MIER1: variants seen among roughly 807,000 people sequenced by gnomAD.
MIER1 encodes mesoderm induction early response protein 1.
Under a neutral mutation model 75.7 loss-of-function variants are expected in MIER1, and 40 were observed. The observed-to-expected ratio is 0.53, with a 90% CI of 0.41 to 0.69. The LOEUF is 0.69. Ranked by LOEUF, MIER1 falls within the 30% of genes least tolerant of loss-of-function variation. MIER1 has a pLI of 0.00. For missense variants in MIER1, 574 were observed against 680.2 expected (o/e 0.84, Z 1.74); for synonymous variants, 213 against 223.4 (o/e 0.95, Z 0.42).
At chr1:66,937,264 T>C (rs1322053791) in intron 2 of MIER1, among the ~76,000 whole-genome samples, 6 of 152,138 alleles carry the variant, frequency 3.9e-5, no homozygotes, top group Non-Finnish European at 5.9e-5. Context: ...TTTATGATTA[T>C]GATCAGCTAA....
intron 4 of MIER1, among the ~76,000 whole-genome samples, chr1:66,951,798 C>A (rs1659030352): frequency 1.3e-5 from 2 of 152,136 alleles, no homozygotes; most frequent in South Asian, 2.1e-4. Flanking sequence ...TTATTTCTCA[C>A]AGTTTATCAG....
Position 66,988,301 on chromosome 1 carries a change from G to T in MIER1, c.*3401G>T, listed in dbSNP as rs1026738637. The stretch of plus-strand genomic sequence containing the variant: ...TTTTTCTGTATCACATAATTCTACT[G>T]ATACAACTTTTTACCGTAAAAATTA... On this transcript the variant is annotated 3_prime_UTR_variant, in exon 14 of 14. Transcript: ENST00000401041. The T allele has an allele frequency of 1.7e-4, 26 of 152,188 alleles. No homozygotes were observed. Among genetic ancestry groups the T allele is most frequent in the Admixed American group, 3.9e-4 (6 of 15,274 alleles). The allele number at this position is 152,188 out of a possible 1,614,324, so 9.4% of individuals were successfully genotyped here.
chr1:66,951,990 T>A (rs1489857641), intron 4 of MIER1, among the ~76,000 whole-genome samples: 1 of 152,236 alleles, frequency 6.6e-6, no homozygotes, highest in East Asian at 1.9e-4. Context: ...TACTTAACAT[T>A]GTTAAACTTC....
chr1:66,939,983 CATT>C (rs772608404), intron 2 of MIER1, 42 bp from the exon 3 acceptor site: 2 of 1,487,440 alleles, frequency 1.3e-6, no homozygotes, highest in Non-Finnish European at 1.9e-6. Flanking sequence ...TGTGAAGATA[CATT>C]ATACAGAAAT....
At chr1:66,935,688 T>A (rs1305181946) in intron 2 of MIER1, among the ~76,000 whole-genome samples, 2 of 152,216 alleles carry the variant, frequency 1.3e-5, no homozygotes, top group African/African-American at 4.8e-5. Context: ...CCCCATTCCC[T>A]AGAGGTAACT....
chr1:66,946,036 G>A, intron 3 of MIER1, 114 bp from the exon 4 acceptor site: 1 of 957,982 alleles, frequency 1.0e-6, no homozygotes, highest in Non-Finnish European at 1.5e-6. Context: ...GCTGTGCGTA[G>A]CTTTTTCTTG....
At chr1:66,974,382 G>T (rs956553777) in intron 11 of MIER1, among the ~76,000 whole-genome samples, 7 of 151,730 alleles carry the variant, frequency 4.6e-5, no homozygotes, top group South Asian at 4.1e-4. Context: ...AAAGAAAAAA[G>T]TTCGTTGTTT....
Position 66,925,399 on chromosome 1 carries a change from C to G in MIER1, c.67+304C>G, listed in dbSNP as rs574306367. 2.7e-4 allele frequency: 262 copies of G among 985,470 alleles called. 1 individual carries two copies. In the Middle Eastern group the frequency reaches 5.7e-3, roughly 22 times the overall value. 61.0% of individuals were successfully genotyped at this position (985,470 alleles called of 1,614,324 possible). On this transcript the variant is annotated intron_variant, in intron 1 of 13. Coordinates refer to ENST00000401041, the MANE Select transcript of MIER1 (RefSeq NM_001077700.3). ...GCTGCGGAGTGAGTTCGCCTCGCCCCGTTCGCTTCGGTCCCTGATCCCAGT... is the reference window on the plus strand; with the variant it reads ...GCTGCGGAGTGAGTTCGCCTCGCCCGGTTCGCTTCGGTCCCTGATCCCAGT...
At chr1:66,951,989 T>C (rs1276647132) in intron 4 of MIER1, among the ~76,000 whole-genome samples, 2 of 152,252 alleles carry the variant, frequency 1.3e-5, no homozygotes, top group Non-Finnish European at 2.9e-5. Flanking sequence ...TTACTTAACA[T>C]TGTTAAACTT....
chr1:66,984,556 A>G lies in MIER1; in HGVS notation c.1370-16A>G. The G allele has an allele frequency of 6.5e-7, 1 of 1,535,382 alleles. No homozygotes were observed. Among genetic ancestry groups the G allele is most frequent in the Non-Finnish European group, 8.8e-7 (1 of 1,139,818 alleles). ...TTTTTCTAATTGTGGTTTCATTTAT[A>G]TTTCTTTCAACTTAGGAGTGTCATC... On this transcript the variant is annotated splice_polypyrimidine_tract_variant and intron_variant, in intron 13 of 13. Transcript: ENST00000401041.
intron 9 of MIER1, among the ~76,000 whole-genome samples, chr1:66,971,255 C>T (rs908679134): frequency 1.4e-4 from 22 of 152,140 alleles, no homozygotes; most frequent in African/African-American, 4.8e-4. Context: ...ATTCTCACCT[C>T]GGATTATCTT....
At chr1:66,939,325 T>C (rs1177221584) in intron 2 of MIER1, among the ~76,000 whole-genome samples, 1 of 152,164 alleles carries the variant, frequency 6.6e-6, no homozygotes, top group Non-Finnish European at 1.5e-5. Context: ...CAATTTTATC[T>C]TTAAATTTTC....
At chr1:66,934,405 CT>C (rs34839262) in intron 2 of MIER1, among the ~76,000 whole-genome samples, 106 of 135,478 alleles carry the variant, frequency 7.8e-4, no homozygotes, top group South Asian at 5.5e-3. Flanking sequence ...TTCTTTCTTT[CT>C]TTTTTTTTTT....
Position 66,988,586 on chromosome 1 carries a change from ATG to A in MIER1, c.*3688_*3689del, listed in dbSNP as rs1156309875. On this transcript the variant is annotated 3_prime_UTR_variant, in exon 14 of 14. Transcript: ENST00000401041. ...TTTAGTTAGTATAAAGAATTATAGAATGTATAATGTAATTAAAATGTCATTTT... is the reference window on the plus strand; with the variant it reads ...TTTAGTTAGTATAAAGAATTATAGAATATAATGTAATTAAAATGTCATTTT... The A allele has an allele frequency of 1.3e-5, 2 of 152,320 alleles. No individual in the cohort carries two copies. The highest frequency in any genetic ancestry group is 4.8e-5 in the African/African-American group (2 of 41,456). The allele number at this position is 152,320 out of a possible 1,614,324, so 9.4% of individuals were successfully genotyped here. A position where few individuals can be genotyped will look rare whatever the true frequency, so the allele number is the denominator to read the frequency against.
Position 66,985,693 on chromosome 1 carries a change from T to C in MIER1, c.*793T>C. 1 of 985,164 alleles carries C rather than the reference T, an allele frequency of 1.0e-6. No individual in the cohort carries two copies. The highest frequency in any genetic ancestry group is 1.2e-6 in the Non-Finnish European group (1 of 829,606). The allele number at this position is 985,164 out of a possible 1,614,324, so 61.0% of individuals were successfully genotyped here. ...ACTTTTATGAGAGGAATTGTTATTC[T>C]GAGTCTGTCAGCTTTCATTTTATTT... On this transcript the variant is annotated 3_prime_UTR_variant, in exon 14 of 14. Transcript: ENST00000401041.
intron 1 of MIER1, among the ~76,000 whole-genome samples, chr1:66,925,690 A>G (rs1435541429): frequency 6.6e-6 from 1 of 152,226 alleles, no homozygotes; most frequent in South Asian, 2.1e-4. Flanking sequence ...TTGTTCTTTC[A>G]GCTTGTAGTG....
At chr1:66,959,048 C>G in intron 6 of MIER1, 65 bp downstream of exon 6, 1 of 1,357,276 alleles carries the variant, frequency 7.4e-7, no homozygotes. Context: ...ACCTAAAATC[C>G]TCTTTTTTAA....
intron 12 of MIER1, 28 bp from the exon 13 acceptor site, chr1:66,981,751 A>G (rs1665930559): frequency 7.8e-6 from 12 of 1,538,262 alleles, no homozygotes; most frequent in Non-Finnish European, 1.1e-5. Flanking sequence ...GCTCTTTTTA[A>G]TATAAAAATT....
chr1:66,978,860 T>C (rs1427048621), intron 12 of MIER1, among the ~76,000 whole-genome samples: 2 of 152,202 alleles, frequency 1.3e-5, no homozygotes, highest in African/African-American at 4.8e-5. Context: ...CCACCAAATG[T>C]TCTAATTTCT....
Sources: allele counts gnomAD v4.1 joint callset (sites outside exome capture counted in the v4.1 genomes callset), GRCh38; gene constraint gnomAD v4.1.1; transcripts MANE v1.5; gene names NCBI Gene and HGNC (gene_info 2026-07-23, HGNC 2026-07-21).